Variants in LRRC4C observed in about 807,000 individuals in gnomAD.
LRRC4C encodes the protein leucine-rich repeat-containing protein 4C.
LRRC4C carries 5 observed loss-of-function variants against 33.6 expected under a neutral mutation model. The ratio of observed to expected loss-of-function variants is 0.15; its 90% CI spans 0.08 to 0.31. LRRC4C has a LOEUF of 0.31. Ranked by LOEUF, LRRC4C falls within the 10% of genes least tolerant of loss-of-function variation. The probability of loss-of-function intolerance (pLI) is 1.00; values close to 1 mark genes in which losing one functional copy is unlikely to be tolerated. For missense variants in LRRC4C, 560 were observed against 796.7 expected (o/e 0.70, Z 3.58); for synonymous variants, 329 against 302.0 (o/e 1.09, Z -0.93).
At chr11:40,872,714 T>G (rs1954710813) in intron 2 of LRRC4C, among the ~76,000 whole-genome samples, 1 of 152,150 alleles carries the variant, frequency 6.6e-6, no homozygotes, top group South Asian at 2.1e-4. Context: ...GAGAGGCCTA[T>G]GTACTGTGGC....
At chr11:40,517,355 C>T (rs545489371) in intron 3 of LRRC4C, among the ~76,000 whole-genome samples, 1 of 151,970 alleles carries the variant, frequency 6.6e-6, no homozygotes, top group Admixed American at 6.6e-5. Context: ...AGGCATTGAT[C>T]CAGGAAAACA....
At chr11:40,723,998 TA>T (rs940993095) in intron 2 of LRRC4C, among the ~76,000 whole-genome samples, 2 of 149,762 alleles carry the variant, frequency 1.3e-5, no homozygotes, top group African/African-American at 4.9e-5. Flanking sequence ...CCAACAACAT[TA>T]AAAAAAAAGA....
intron 3 of LRRC4C, among the ~76,000 whole-genome samples, chr11:40,433,996 G>T (rs1951040879): frequency 6.6e-6 from 1 of 152,096 alleles, no homozygotes; most frequent in Non-Finnish European, 1.5e-5. Flanking sequence ...GGAAGACTGT[G>T]TTCAGGCTCA....
At chr11:40,437,469 C>G (rs1355519217) in intron 3 of LRRC4C, among the ~76,000 whole-genome samples, 1 of 151,670 alleles carries the variant, frequency 6.6e-6, no homozygotes, top group Non-Finnish European at 1.5e-5. Context: ...TCCCGGCTCA[C>G]TGTAGCCTCT....
chr11:41,315,415 T>C (rs557851120), intron 1 of LRRC4C, among the ~76,000 whole-genome samples: 1 of 152,302 alleles, frequency 6.6e-6, no homozygotes, highest in East Asian at 1.9e-4. Flanking sequence ...TTTGCTTGCT[T>C]GAGTTGTTTG....
At chr11:40,280,529 T>C (rs183186530) in intron 4 of LRRC4C, among the ~76,000 whole-genome samples, 1 of 152,178 alleles carries the variant, frequency 6.6e-6, no homozygotes, top group East Asian at 1.9e-4. Context: ...TCATCTTCCC[T>C]TGGCAGGAAA....
intron 1 of LRRC4C, among the ~76,000 whole-genome samples, chr11:41,320,988 C>A (rs1950942470): frequency 6.6e-6 from 1 of 152,134 alleles, no homozygotes; most frequent in African/African-American, 2.4e-5. Flanking sequence ...GGTCTTTTTA[C>A]AATATTGCAA....
intron 2 of LRRC4C, among the ~76,000 whole-genome samples, chr11:40,843,880 A>G (rs1263408753): frequency 6.6e-6 from 1 of 152,192 alleles, no homozygotes; most frequent in Admixed American, 6.6e-5. Context: ...AGTTCAGACA[A>G]CAGTGGTTAG....
At chr11:41,429,872 A>G (rs975346313) in intron 1 of LRRC4C, among the ~76,000 whole-genome samples, 2 of 152,170 alleles carry the variant, frequency 1.3e-5, no homozygotes, top group South Asian at 2.1e-4. Flanking sequence ...GAGAGGTTAG[A>G]TAGGAGGAAA....
chr11:40,699,532 C>T (rs13343177), intron 2 of LRRC4C, among the ~76,000 whole-genome samples: 29,293 of 152,056 alleles, frequency 0.19, 3,162 homozygotes, highest in African/African-American at 0.28. Flanking sequence ...TGCATTTTTC[C>T]CAATGCCATG....
chr11:41,217,399 G>A (rs1175287555), intron 1 of LRRC4C, among the ~76,000 whole-genome samples: 4 of 152,078 alleles, frequency 2.6e-5, no homozygotes, highest in Non-Finnish European at 5.9e-5. Context: ...AAGAAACCAA[G>A]AGGAATACCC....
At chr11:40,975,688 G>A (rs1852032480) in intron 1 of LRRC4C, among the ~76,000 whole-genome samples, 1 of 152,118 alleles carries the variant, frequency 6.6e-6, no homozygotes, top group East Asian at 1.9e-4. Flanking sequence ...AATCTTCACA[G>A]CTCCATGCAG....
intron 3 of LRRC4C, among the ~76,000 whole-genome samples, chr11:40,608,027 G>A (rs1179492505): frequency 6.6e-6 from 1 of 152,116 alleles, no homozygotes; most frequent in Non-Finnish European, 1.5e-5. Flanking sequence ...CAAAGTGAAA[G>A]TACTCTGGTC....
chr11:41,398,066 G>C (rs1017436172), intron 1 of LRRC4C, among the ~76,000 whole-genome samples: 8 of 151,792 alleles, frequency 5.3e-5, no homozygotes, highest in Admixed American at 2.6e-4. Flanking sequence ...GTGACACTTG[G>C]AGCTGAATTA....
intron 2 of LRRC4C, among the ~76,000 whole-genome samples, chr11:40,882,310 C>T (rs531483383): frequency 2.6e-5 from 4 of 151,972 alleles, no homozygotes; most frequent in South Asian, 2.1e-4. Context: ...ACCGAAACTT[C>T]GACACTCTTG....
In LRRC4C at chr11:41,205,194, T is replaced by C. The variant is rs1462584032; in HGVS notation, c.-496+254237A>G. Among the ~76,000 whole-genome samples the C allele has an allele frequency of 2.0e-5, 3 of 152,144 alleles. No homozygotes were observed. The East Asian group carries it at 5.8e-4, about 29-fold the overall frequency. On this transcript the variant is annotated intron_variant, in intron 1 of 6. Coordinates refer to ENST00000528697, the MANE Select transcript of LRRC4C (RefSeq NM_001258419.2). ...GTAGGGATTAGGGATAAGCTGGAGA[T>C]TCAAACATGGATAGATCATACAGAG... is the stretch of plus-strand genomic sequence containing the variant.
At chr11:41,233,260 G>T (rs1189629018) in intron 1 of LRRC4C, among the ~76,000 whole-genome samples, 1 of 151,958 alleles carries the variant, frequency 6.6e-6, no homozygotes, top group South Asian at 2.1e-4. Context: ...TGGCATCCTA[G>T]TGATTTATAA....
chr11:41,212,977 A>C (rs1946885724), intron 1 of LRRC4C, among the ~76,000 whole-genome samples: 2 of 152,226 alleles, frequency 1.3e-5, no homozygotes, highest in Admixed American at 6.5e-5. Context: ...GCTAAGAAGT[A>C]GGTTTATGAC....
chr11:40,114,519 G>A lies in LRRC4C; in HGVS notation c.1774C>T (p.His592Tyr), dbSNP rs1196454409. Residue 592 changes from histidine (H) to tyrosine (Y), a missense_variant, in exon 7 of 7, where the codon CAT (histidine) becomes TAT (tyrosine). By Grantham distance (83) the His-to-Tyr change is moderately conservative. Coordinates refer to ENST00000528697, the MANE Select transcript of LRRC4C (RefSeq NM_001258419.2). ...ESHLPMPAIE[H>Y]EHLNHYNSYK... is the part of the protein sequence containing the mutation. ...GAGTTATAGTGATTTAGGTGCTCATGCTCGATAGCAGGCATGGGCAGGTGG... is the reference window on the plus strand; with the variant it reads ...GAGTTATAGTGATTTAGGTGCTCATACTCGATAGCAGGCATGGGCAGGTGG... The A allele has an allele frequency of 6.2e-7, 1 of 1,614,144 alleles. No individual in the cohort carries two copies. The highest frequency in any genetic ancestry group is 8.5e-7 in the Non-Finnish European group (1 of 1,180,008).
Sources: allele counts gnomAD v4.1 joint callset (sites outside exome capture counted in the v4.1 genomes callset), GRCh38; gene constraint gnomAD v4.1.1; transcripts MANE v1.5; gene names NCBI Gene and HGNC (gene_info 2026-07-23, HGNC 2026-07-21).